The following INPP5B variants were observed in gnomAD, a reference collection of about 807,000 sequenced individuals.
INPP5B encodes the protein type II inositol 1,4,5-trisphosphate 5-phosphatase.
In INPP5B, 90 loss-of-function variants were observed where a neutral mutation model predicts 118.5. That is an observed-to-expected ratio of 0.76 (90% CI 0.64 to 0.90). The LOEUF is 0.90. Ranked by LOEUF, INPP5B falls within the 40% of genes least tolerant of loss-of-function variation. INPP5B has a pLI of 0.00. For synonymous variants in INPP5B, 385 were observed against 418.9 expected, an observed-to-expected ratio of 0.92 and a Z score of 0.99; for missense variants, 984 against 1,125.6, an observed-to-expected ratio of 0.87 and a Z score of 1.80.
chr1:37,904,911 G>T (rs562647829), intron 7 of INPP5B, among the ~76,000 whole-genome samples: 3 of 152,156 alleles, frequency 2.0e-5, no homozygotes, highest in African/African-American at 7.2e-5. Flanking sequence ...GTTATAAAAG[G>T]TTAATGAAAA....
intron 6 of INPP5B, among the ~76,000 whole-genome samples, chr1:37,940,370 G>C (rs986182712): frequency 5.3e-5 from 8 of 152,178 alleles, no homozygotes; most frequent in African/African-American, 1.2e-4. Context: ...GAGGGAAGTT[G>C]GGCCGCTTGA....
intron 7 of INPP5B, among the ~76,000 whole-genome samples, chr1:37,925,967 A>G (rs114360340): frequency 0.01 from 1,596 of 152,358 alleles, 33 homozygotes; most frequent in African/African-American, 0.037. Context: ...AATGATGGGC[A>G]ATATTTGTTC....
rs995045496 is a variant in INPP5B, at chr1:37,931,991, G to C, written c.454C>G (p.Leu152Val). 6.2e-7 allele frequency: 1 copy of C among 1,613,668 alleles called. No individual in the cohort carries two copies. The highest frequency in any genetic ancestry group is 8.5e-7 in the Non-Finnish European group (1 of 1,179,852). Reference sequence around the variant, plus strand: ...CGCGGCGTTGGCATCTCCAGCTCCAGCTCTGCGCACCTATACCGAGACAGC... The same window carrying C: ...CGCGGCGTTGGCATCTCCAGCTCCACCTCTGCGCACCTATACCGAGACAGC... Reference protein sequence around the residue: ...LWLSRYRCAELELEMPTPRGC... With the variant: ...LWLSRYRCAEVELEMPTPRGC... Residue 152 changes from leucine (L) to valine (V), a missense_variant, in exon 7 of 24, where the codon CTG (leucine) becomes GTG (valine). By Grantham distance (32) the Leu-to-Val change is conservative. This residue lies in a region of INPP5B where 350 missense variants were observed against 334.6 expected (regional missense o/e 1.05). Transcript: ENST00000373024.
At chr1:37,876,310 TGC>T (rs1490708678) in intron 16 of INPP5B, among the ~76,000 whole-genome samples, 2 of 151,634 alleles carry the variant, frequency 1.3e-5, no homozygotes, top group Non-Finnish European at 2.9e-5. Context: ...TTTGCCATGT[TGC>T]CCAGGCTGGT....
At position 37,862,177 on chromosome 1, in the gene INPP5B, T is replaced by C. The variant is rs78541570; in HGVS notation, c.*138A>G. 2,563 of 624,972 alleles carry C rather than the reference T, an allele frequency of 4.1e-3. 51 individuals carry two copies. In the African/African-American group the frequency reaches 0.041, roughly 10 times the overall value. The allele number at this position is 624,972 out of a possible 1,614,324, so 38.7% of individuals were successfully genotyped here. The stretch of plus-strand genomic sequence containing the variant: ...GTGTGCTAACCAATGGTGGGCTTAA[T>C]TGGGGTACTAGGCTCAGGAAATAGC... On this transcript the variant is annotated 3_prime_UTR_variant, in exon 24 of 24. Transcript: ENST00000373024.
rs1478647490 is a variant in INPP5B, at chr1:37,898,269, G to A, written c.533-6815C>T. ...GATCAATGGTTGCCAGGGGTTTTGG[G>A]GGTGAGGGTGGGGTCAAATAAATGA... is the stretch of plus-strand genomic sequence containing the variant. On this transcript the variant is annotated intron_variant, in intron 7 of 23. Transcript: ENST00000373024. 2.6e-5 allele frequency among the ~76,000 whole-genome samples: 4 copies of A among 152,138 alleles called. No homozygotes were observed. The East Asian group carries it at 7.7e-4, about 29-fold the overall frequency.
chr1:37,938,048 G>A (rs1645765175), intron 6 of INPP5B, among the ~76,000 whole-genome samples: 1 of 150,856 alleles, frequency 6.6e-6, no homozygotes, highest in Non-Finnish European at 1.5e-5. Flanking sequence ...CGAGGTGGGT[G>A]GATCACGAGG....
intron 16 of INPP5B, among the ~76,000 whole-genome samples, chr1:37,876,634 C>G (rs1408684087): frequency 2.3e-5 from 3 of 129,108 alleles, no homozygotes; most frequent in African/African-American, 8.8e-5. Flanking sequence ...CCGAGGTGGG[C>G]ATATCACGAG....
At chr1:37,916,237 G>A (rs1473784360) in intron 7 of INPP5B, among the ~76,000 whole-genome samples, 1 of 151,700 alleles carries the variant, frequency 6.6e-6, no homozygotes, top group Admixed American at 6.6e-5. Context: ...AGGATTACAG[G>A]CACCCACCAC....
chr1:37,940,846 T>G (rs749743837), intron 5 of INPP5B, 48 bp from the exon 6 acceptor site: 1 of 1,318,366 alleles, frequency 7.6e-7, no homozygotes, highest in East Asian at 2.3e-5. Flanking sequence ...AGGAGCTAAG[T>G]GCTTGATGCA....
chr1:37,905,405 A>AAAAT (rs534478449), intron 7 of INPP5B, among the ~76,000 whole-genome samples: 60 of 152,356 alleles, frequency 3.9e-4, no homozygotes, highest in African/African-American at 1.3e-3. Flanking sequence ...TTCTGTCTCA[A>AAAAT]AAATAAATAA....
chr1:37,871,012 C>T (rs1642383888), intron 19 of INPP5B, among the ~76,000 whole-genome samples: 1 of 150,078 alleles, frequency 6.7e-6, no homozygotes, highest in Admixed American at 6.7e-5. Flanking sequence ...AAAAAATTAG[C>T]TGGGCATGGT....
At position 37,885,772 on chromosome 1, in the gene INPP5B, G is replaced by A. The variant is rs747802162; in HGVS notation, c.1185C>T (p.Cys395=). 4.3e-6 allele frequency: 7 copies of A among 1,613,886 alleles called. No homozygotes were observed. The highest frequency in any genetic ancestry group is 4.0e-5 in the African/African-American group (3 of 74,912). ...GGGCTGCCAAGTGAGAATTCACAACGCAGATGCTGGTGTTGTGGAACTGGA... is the reference window on the plus strand; with the variant it reads ...GGGCTGCCAAGTGAGAATTCACAACACAGATGCTGGTGTTGTGGAACTGGA... ...IRFQFHNTSI[C]VVNSHLAAHI... is the part of the protein sequence containing the mutation. Residue 395 remains cysteine, a synonymous_variant, in exon 13 of 24, where the codon TGC becomes TGT. Transcript: ENST00000373024.
In INPP5B at chr1:37,893,085, CT is replaced by C. The variant is rs71053999; in HGVS notation, c.533-1632del. ...TATGTTTTTTTATTATTTTCTTTTT[CT>C]TTTTTTTTTTTTTTTTTTTTTTTTG... On this transcript the variant is annotated intron_variant, in intron 7 of 23. Coordinates refer to ENST00000373024, the MANE Select transcript of INPP5B (RefSeq NM_005540.3). Among the ~76,000 whole-genome samples, 599 of 81,366 alleles carry C rather than the reference CT, an allele frequency of 7.4e-3. 1 individual carries two copies. Among genetic ancestry groups the C allele is most frequent in the African/African-American group, 0.032 (533 of 16,698 alleles). The allele number at this position is 81,366 out of a possible 152,430, so 53.4% of individuals were successfully genotyped here. A position where few individuals can be genotyped will look rare whatever the true frequency, so the allele number is the denominator to read the frequency against.
chr1:37,928,920 T>C (rs1344869830), intron 7 of INPP5B: 1 of 152,040 alleles, frequency 6.6e-6, no homozygotes, highest in African/African-American at 2.4e-5. Context: ...TGTATCGACA[T>C]CCAGAGGCAG....
chr1:37,899,271 A>G (rs567458121), intron 7 of INPP5B, among the ~76,000 whole-genome samples: 1 of 151,882 alleles, frequency 6.6e-6, no homozygotes, highest in African/African-American at 2.4e-5. Context: ...CCTGATTAAC[A>G]ATTCTGAGGC....
At chr1:37,902,246 C>T (rs1644359477) in intron 7 of INPP5B, among the ~76,000 whole-genome samples, 1 of 152,142 alleles carries the variant, frequency 6.6e-6, no homozygotes, top group Non-Finnish European at 1.5e-5. Context: ...CTTGGCCTCC[C>T]AAAGTGCTAG....
chr1:37,888,197 T>C, intron 10 of INPP5B, 46 bp downstream of exon 10: 1 of 1,220,138 alleles, frequency 8.2e-7, no homozygotes, highest in Non-Finnish European at 1.1e-6. Flanking sequence ...CAACCACAGC[T>C]CTGTGTGCTT....
chr1:37,912,454 A>G (rs991352780), intron 7 of INPP5B, among the ~76,000 whole-genome samples: 24 of 152,162 alleles, frequency 1.6e-4, no homozygotes, highest in Admixed American at 9.2e-4. Flanking sequence ...TATTAGGTCT[A>G]TTCATCCTTA....
Sources: gnomAD v4.1 joint callset for allele counts (sites outside exome capture counted in the v4.1 genomes callset) on GRCh38, gnomAD v4.1.1 for gene constraint, gnomAD v4.1.1 regional missense constraint, MANE v1.5 for transcripts, NCBI Gene and HGNC (gene_info 2026-07-23, HGNC 2026-07-21) for gene names.